DLG1: variants seen among roughly 807,000 people sequenced by gnomAD.
DLG1 encodes the protein disks large homolog 1.
Under a neutral mutation model 123.4 loss-of-function variants are expected in DLG1, and 42 were observed. That is an observed-to-expected ratio of 0.34 (90% CI 0.27 to 0.44). The LOEUF is 0.44. Ranked by LOEUF, DLG1 falls within the 20% of genes least tolerant of loss-of-function variation. The probability of loss-of-function intolerance (pLI) is 1.00; values close to 1 mark genes in which losing one functional copy is unlikely to be tolerated. For missense variants in DLG1, 942 were observed against 1,082.6 expected (o/e 0.87, Z 1.82); for synonymous variants, 317 against 356.2 (o/e 0.89, Z 1.24).
At chr3:197,273,937 C>T (rs1765170601) in intron 4 of DLG1, among the ~76,000 whole-genome samples, 1 of 148,220 alleles carries the variant, frequency 6.7e-6, no homozygotes, top group Admixed American at 6.7e-5. Context: ...TAGAACACTG[C>T]TAAGACAAAG....
intron 11 of DLG1, among the ~76,000 whole-genome samples, chr3:197,125,317 G>C (rs890491): frequency 0.74 from 113,185 of 151,934 alleles, 42,281 homozygotes; most frequent in East Asian, 0.81. Flanking sequence ...GTAAAAAGCA[G>C]AATTTTGTGC....
At chr3:197,180,578 C>T (rs1809693514) in intron 5 of DLG1, among the ~76,000 whole-genome samples, 1 of 152,116 alleles carries the variant, frequency 6.6e-6, no homozygotes, top group South Asian at 2.1e-4. Flanking sequence ...AATAAAACAA[C>T]CTCTCAAAAA....
intron 3 of DLG1, among the ~76,000 whole-genome samples, chr3:197,288,743 A>AAAAAATACATAC (rs1553827364): frequency 2.8e-5 from 2 of 72,076 alleles, no homozygotes; most frequent in Non-Finnish European, 4.8e-5. Flanking sequence ...AAAAAAAAAA[A>AAAAAATACATAC]ATACATACAT....
intron 11 of DLG1, among the ~76,000 whole-genome samples, chr3:197,121,372 T>C (rs1776278064): frequency 6.6e-6 from 1 of 152,134 alleles, no homozygotes; most frequent in Admixed American, 6.6e-5. Context: ...TTAAGATGAA[T>C]GATTCAACAC....
chr3:197,147,303 G>A (rs1158020457), intron 6 of DLG1, among the ~76,000 whole-genome samples: 1 of 152,110 alleles, frequency 6.6e-6, no homozygotes, highest in Non-Finnish European at 1.5e-5. Flanking sequence ...CTACACAGAG[G>A]AAAATAAGTC....
At chr3:197,180,183 GTTAT>G (rs1365656066) in intron 5 of DLG1, among the ~76,000 whole-genome samples, 4 of 151,488 alleles carry the variant, frequency 2.6e-5, no homozygotes, top group Non-Finnish European at 4.4e-5. Flanking sequence ...ACACTTCACA[GTTAT>G]TTAAAGTTCA....
At chr3:197,074,780 A>T (rs1490616396) in intron 18 of DLG1, among the ~76,000 whole-genome samples, 1 of 152,084 alleles carries the variant, frequency 6.6e-6, no homozygotes, top group Non-Finnish European at 1.5e-5. Context: ...TACAAACTTA[A>T]ATCACTATGG....
chr3:197,242,123 CAA>C lies in DLG1; in HGVS notation c.318+40554_318+40555del, dbSNP rs377757559. The stretch of plus-strand genomic sequence containing the variant: ...AAAGATATTTCATGCAACTGGAAAC[CAA>C]AAAAGCTCAGGAGCAACTATGCTTC... On this transcript the variant is annotated intron_variant, in intron 4 of 24. Transcript: ENST00000667157. Among the ~76,000 whole-genome samples, 55 of 151,938 alleles carry C rather than the reference CAA, an allele frequency of 3.6e-4. No individual in the cohort carries two copies. The East Asian group carries it at 9.5e-3, about 26-fold the overall frequency.
chr3:197,158,981 G>A (rs1332692545), intron 5 of DLG1, among the ~76,000 whole-genome samples: 1 of 152,058 alleles, frequency 6.6e-6, no homozygotes, highest in Non-Finnish European at 1.5e-5. Flanking sequence ...GGATTTAATA[G>A]GCTAGTATCA....
chr3:197,093,115 T>C (rs536037879), intron 14 of DLG1, among the ~76,000 whole-genome samples: 3 of 152,284 alleles, frequency 2.0e-5, no homozygotes, highest in African/African-American at 7.2e-5. Context: ...TATCTGTATA[T>C]ATGTGTGTAT....
At chr3:197,143,984 CCTTT>C (rs1789389140) in intron 6 of DLG1, among the ~76,000 whole-genome samples, 1 of 152,174 alleles carries the variant, frequency 6.6e-6, no homozygotes, top group Non-Finnish European at 1.5e-5. Flanking sequence ...TTGAATCCTT[CCTTT>C]AAAATTTCTC....
intron 4 of DLG1, among the ~76,000 whole-genome samples, chr3:197,204,330 C>T (rs1360622304): frequency 1.3e-5 from 2 of 152,182 alleles, no homozygotes; most frequent in Non-Finnish European, 2.9e-5. Context: ...TATTAGATTG[C>T]TTGTTTTCCT....
At chr3:197,267,575 C>CTTCCT (rs869187091) in intron 4 of DLG1, among the ~76,000 whole-genome samples, 9 of 56,070 alleles carry the variant, frequency 1.6e-4, no homozygotes, top group South Asian at 5.9e-4. Flanking sequence ...TTTTTCTTCC[C>CTTCCT]ATTCCCAATA....
rs535160679 is a variant in DLG1, at chr3:197,284,107, C to T, written c.152-1262G>A. ...AACTCCTGACCTCAGGTGATCTGCCCGCTTCAGGCTCCCAAAGTGCTGGGA... is the reference window on the plus strand; with the variant it reads ...AACTCCTGACCTCAGGTGATCTGCCTGCTTCAGGCTCCCAAAGTGCTGGGA... On this transcript the variant is annotated intron_variant, in intron 3 of 24. Coordinates refer to ENST00000667157, the MANE Select transcript of DLG1 (RefSeq NM_001366207.1). Among the ~76,000 whole-genome samples, 8 of 152,108 alleles carry T rather than the reference C, an allele frequency of 5.3e-5. No individual in the cohort carries two copies. The South Asian group carries it at 1.5e-3, about 28-fold the overall frequency.
intron 3 of DLG1, among the ~76,000 whole-genome samples, chr3:197,292,429 G>A (rs997649918): frequency 9.2e-5 from 14 of 152,332 alleles, no homozygotes; most frequent in East Asian, 5.8e-4. Flanking sequence ...AAAGCAGCAC[G>A]TTGGTCACAA....
intron 4 of DLG1, among the ~76,000 whole-genome samples, chr3:197,253,297 G>A (rs1755336721): frequency 6.6e-6 from 1 of 152,144 alleles, no homozygotes. Context: ...AAGATACACA[G>A]ATGGCAAATA....
intron 15 of DLG1, among the ~76,000 whole-genome samples, chr3:197,088,200 G>A (rs1451465170): frequency 6.6e-6 from 1 of 151,774 alleles, no homozygotes; most frequent in Non-Finnish European, 1.5e-5. Flanking sequence ...ACAATGAAAG[G>A]AACACTGGAT....
intron 14 of DLG1, among the ~76,000 whole-genome samples, chr3:197,100,199 C>T (rs1365408559): frequency 3.3e-5 from 5 of 152,176 alleles, no homozygotes; most frequent in African/African-American, 1.2e-4. Flanking sequence ...TGCCACTAGT[C>T]CACTGCAATC....
intron 3 of DLG1, among the ~76,000 whole-genome samples, chr3:197,291,330 CACACACACACAGTT>C (rs1354807467): frequency 6.6e-5 from 10 of 151,514 alleles, no homozygotes; most frequent in Non-Finnish European, 4.4e-5. Flanking sequence ...CACACACACA[CACACACACACAGTT>C]AGCAAGAGAC....
Sources: allele counts gnomAD v4.1 joint callset (sites outside exome capture counted in the v4.1 genomes callset), GRCh38; gene constraint gnomAD v4.1.1; transcripts MANE v1.5; gene names NCBI Gene and HGNC (gene_info 2026-07-23, HGNC 2026-07-21).